Variants in ZNF180 observed in about 807,000 individuals in gnomAD.
ZNF180 encodes the protein zinc finger protein 180.
Under a neutral mutation model 11.8 loss-of-function variants are expected in ZNF180, and 11 were observed. That is an observed-to-expected ratio of 0.93 (90% CI 0.59 to 1.55). The LOEUF (loss-of-function observed/expected upper bound fraction) is 1.55, where lower values mean the gene tolerates loss of function less well. Ranked by LOEUF, ZNF180 falls within the 40% of genes most tolerant of loss-of-function variation. ZNF180 has a pLI of 0.00. For synonymous variants in ZNF180, 287 were observed against 257.7 expected (o/e 1.11, Z -1.09); for missense variants, 773 against 781.7 (o/e 0.99, Z 0.13).
intron 3 of ZNF180, among the ~76,000 whole-genome samples, chr19:44,482,289 C>T (rs1450475324): frequency 6.6e-6 from 1 of 152,190 alleles, no homozygotes; most frequent in South Asian, 2.1e-4. Context: ...GCCTGGGTAA[C>T]TGGAGTGAGA....
chr19:44,489,102 T>TG (rs1245979189), intron 2 of ZNF180, among the ~76,000 whole-genome samples: 12 of 109,056 alleles, frequency 1.1e-4, no homozygotes, highest in Admixed American at 3.6e-4. Context: ...GGGAGGGAGG[T>TG]GGGGGGGCCA....
intron 4 of ZNF180, among the ~76,000 whole-genome samples, chr19:44,478,673 A>C (rs999258304): frequency 1.3e-5 from 2 of 152,240 alleles, no homozygotes; most frequent in African/African-American, 2.4e-5. Flanking sequence ...CTACCTTAGG[A>C]ACCAATAAAG....
At chr19:44,499,684 G>C (rs917561491) in intron 1 of ZNF180, among the ~76,000 whole-genome samples, 3 of 152,084 alleles carry the variant, frequency 2.0e-5, no homozygotes, top group Non-Finnish European at 4.4e-5. Flanking sequence ...TCCCACCAAG[G>C]GTTCACTAGC....
intron 2 of ZNF180, chr19:44,496,672 C>CAAAAAAAAAAAAAAAAAAAAAAA (rs55678572): frequency 1.4e-5 from 1 of 71,622 alleles, no homozygotes; most frequent in Non-Finnish European, 2.4e-5. Context: ...GACTCTGTCT[C>CAAAAAAAAAAAAAAAAAAAAAAA]AAAAAAAAAA....
At chr19:44,474,442 A>G (rs1430954372), downstream of ZNF180, 1 of 152,088 alleles carries the variant, frequency 6.6e-6, no homozygotes, top group Non-Finnish European at 1.5e-5. Flanking sequence ...TGGCTTATAT[A>G]TTTTTTATTT....
At chr19:44,496,672 C>CAAAAAAAAAAAAAAAAAA (rs55678572) in intron 2 of ZNF180, 19 of 71,598 alleles carry the variant, frequency 2.7e-4, no homozygotes, top group East Asian at 1.1e-3. Flanking sequence ...GACTCTGTCT[C>CAAAAAAAAAAAAAAAAAA]AAAAAAAAAA....
At chr19:44,498,711 C>A (rs541563072) in intron 1 of ZNF180, among the ~76,000 whole-genome samples, 3 of 152,320 alleles carry the variant, frequency 2.0e-5, no homozygotes, top group South Asian at 2.1e-4. Context: ...CTGCTCCCCC[C>A]CACACACCTG....
chr19:44,497,362 G>T lies in ZNF180; in HGVS notation c.-28C>A. ...TCTCCTCCAGGCACAGCAGGGTGCTGAGGTCCTGAGCTGCACTGAGAGAAG... is the reference window on the plus strand; with the variant it reads ...TCTCCTCCAGGCACAGCAGGGTGCTTAGGTCCTGAGCTGCACTGAGAGAAG... On this transcript the variant is annotated 5_prime_UTR_variant, in exon 2 of 5. Transcript: ENST00000592529. 1 of 1,596,334 alleles carries T rather than the reference G, an allele frequency of 6.3e-7. No homozygotes were observed. The highest frequency in any genetic ancestry group is 8.5e-7 in the Non-Finnish European group (1 of 1,174,560).
At chr19:44,482,314 CATA>C (rs1162250032) in intron 3 of ZNF180, among the ~76,000 whole-genome samples, 1 of 152,082 alleles carries the variant, frequency 6.6e-6, no homozygotes, top group African/African-American at 2.4e-5. Flanking sequence ...GTCTCAAAAT[CATA>C]ATAACAATAA....
At chr19:44,478,991 G>GA (rs1029577904) in intron 4 of ZNF180, among the ~76,000 whole-genome samples, 3 of 152,114 alleles carry the variant, frequency 2.0e-5, no homozygotes, top group Non-Finnish European at 2.9e-5. Context: ...AGCTGACAAG[G>GA]AAAGATACAG....
In ZNF180 at chr19:44,476,706, A is replaced by T. The variant is rs139611070; in HGVS notation, c.1694T>A (p.Leu565His). Reference sequence around the variant, plus strand: ...AGTATGAGTTCTCTGATGTACAACAAGAACATAACTCTGGCTGAAGGATTT... The same window carrying T: ...AGTATGAGTTCTCTGATGTACAACATGAACATAACTCTGGCTGAAGGATTT... ...CGKSFSQSYV[L>H]VVHQRTHTGE... is the part of the protein sequence containing the mutation. The change falls in exon 5 of 5, where the codon CTT becomes CAT. Residue 565 changes from leucine (L) to histidine (H), a missense_variant. Physicochemically the swap from Leu to His is moderately conservative, Grantham distance 99. Coordinates refer to ENST00000592529, the MANE Select transcript of ZNF180 (RefSeq NM_001278509.3). The T allele has an allele frequency of 1.2e-6, 2 of 1,614,104 alleles. No individual in the cohort carries two copies. The highest frequency in any genetic ancestry group is 1.3e-5 in the African/African-American group (1 of 74,950).
At chr19:44,478,810 A>G (rs1266632498) in intron 4 of ZNF180, among the ~76,000 whole-genome samples, 1 of 152,202 alleles carries the variant, frequency 6.6e-6, no homozygotes, top group African/African-American at 2.4e-5. Flanking sequence ...GTCCACCAGG[A>G]GGTGGGAAAT....
chr19:44,486,081 T>C (rs1253850074), intron 2 of ZNF180, among the ~76,000 whole-genome samples: 2 of 152,246 alleles, frequency 1.3e-5, no homozygotes, highest in Non-Finnish European at 2.9e-5. Context: ...AAATAAATTA[T>C]GCTTTATTCA....
At chr19:44,481,690 A>G (rs1257787023) in intron 3 of ZNF180, among the ~76,000 whole-genome samples, 1 of 152,234 alleles carries the variant, frequency 6.6e-6, no homozygotes, top group Non-Finnish European at 1.5e-5. Flanking sequence ...TGCAAATGTA[A>G]CTCCAATGCT....
chr19:44,497,221 C>G, intron 2 of ZNF180, 63 bp downstream of exon 2: 1 of 1,445,570 alleles, frequency 6.9e-7, no homozygotes, highest in Non-Finnish European at 9.1e-7. Flanking sequence ...AGGGAGGAGC[C>G]ACAGCCTCCC....
chr19:44,489,922 AAGAG>A (rs774122213), intron 2 of ZNF180, among the ~76,000 whole-genome samples: 5 of 118,674 alleles, frequency 4.2e-5, no homozygotes, highest in African/African-American at 8.6e-5. Flanking sequence ...AAAAGAAAGA[AAGAG>A]AGAGAGAAAG....
chr19:44,476,751 T>C lies in ZNF180; in HGVS notation c.1649A>G (p.Tyr550Cys), dbSNP rs769083684. ...GGATTTCCCACACTGATTACATTCA[T>C]ACGGTTTTTCCCCAGTGTGAATTCT... ...HQRIHTGEKP[Y>C]ECNQCGKSFS... Residue 550 changes from tyrosine to cysteine, a missense_variant, in exon 5 of 5, where the codon TAT becomes TGT. Physicochemically the swap from Tyr to Cys is radical, Grantham distance 194. Transcript: ENST00000592529. The C allele has an allele frequency of 4.3e-6, 7 of 1,613,984 alleles. No homozygotes were observed. In the East Asian group the frequency reaches 1.1e-4, roughly 26 times the overall value.
At position 44,500,350 on chromosome 19, in the gene ZNF180, G is replaced by C; in HGVS notation, c.-119C>G. 1 of 1,438,790 alleles carries C rather than the reference G, an allele frequency of 7.0e-7. No individual in the cohort carries two copies. Among genetic ancestry groups the C allele is most frequent in the Non-Finnish European group, 9.7e-7 (1 of 1,032,914 alleles). 89.1% of individuals were successfully genotyped at this position (1,438,790 alleles called of 1,614,324 possible). ...GCCTAGCACGGCTCTGCGGCAGGACGAACTCGGGTTAGGCAACCCCCTGCC... is the reference window on the plus strand; with the variant it reads ...GCCTAGCACGGCTCTGCGGCAGGACCAACTCGGGTTAGGCAACCCCCTGCC... On this transcript the variant is annotated 5_prime_UTR_variant, in exon 1 of 5. Transcript: ENST00000592529.
rs1970618304 is a variant in ZNF180 at position 44,497,375 on chromosome 19, G to A, written c.-41C>T. Reference sequence around the variant, plus strand: ...CAGCAGGGTGCTGAGGTCCTGAGCTGCACTGAGAGAAGCCCCAAGTACAGC... The same window carrying A: ...CAGCAGGGTGCTGAGGTCCTGAGCTACACTGAGAGAAGCCCCAAGTACAGC... On this transcript the variant is annotated splice_region_variant and 5_prime_UTR_variant, in exon 2 of 5. Transcript: ENST00000592529. The A allele has an allele frequency of 1.9e-6, 3 of 1,592,362 alleles. No individual in the cohort carries two copies. Among genetic ancestry groups the A allele is most frequent in the African/African-American group, 1.4e-5 (1 of 73,806 alleles).
Sources: allele counts gnomAD v4.1 joint callset (sites outside exome capture counted in the v4.1 genomes callset), GRCh38; gene constraint gnomAD v4.1.1; transcripts MANE v1.5; gene names NCBI Gene and HGNC (gene_info 2026-07-23, HGNC 2026-07-21).